Variants in SLC9A9 observed in about 807,000 individuals in gnomAD.
The protein encoded by SLC9A9 is solute carrier family 9 member A9, also known as sodium/hydrogen exchanger 9.
SLC9A9 carries 62 observed loss-of-function variants against 77.8 expected under a neutral mutation model. That is an observed-to-expected ratio of 0.80 (90% CI 0.65 to 0.98). The LOEUF is 0.98. Among genes scored for constraint, SLC9A9 ranks in the 50% least tolerant of loss-of-function variants. The probability of loss-of-function intolerance (pLI) is 0.00; values close to 1 mark genes in which losing one functional copy is unlikely to be tolerated. For missense variants in SLC9A9, 775 were observed against 774.9 expected (o/e 1.00, Z 0.00); for synonymous variants, 320 against 283.5 (o/e 1.13, Z -1.29).
At chr3:143,823,398 G>A (rs9838644) in intron 2 of SLC9A9, among the ~76,000 whole-genome samples, 84,629 of 151,832 alleles carry the variant, frequency 0.56, 26,306 homozygotes, top group Non-Finnish European at 0.69. Context: ...GGACATTCGG[G>A]GTGAAGATGA....
intron 14 of SLC9A9, among the ~76,000 whole-genome samples, chr3:143,323,446 C>T (rs2031482935): frequency 6.6e-6 from 1 of 152,168 alleles, no homozygotes; most frequent in African/African-American, 2.4e-5. Context: ...AGGTCATCAT[C>T]TTAAGTGGAA....
chr3:143,422,277 T>G (rs2034313532), intron 12 of SLC9A9, among the ~76,000 whole-genome samples: 1 of 152,216 alleles, frequency 6.6e-6, no homozygotes, highest in Non-Finnish European at 1.5e-5. Flanking sequence ...TAAATTGTTC[T>G]ACCAAAAAGA....
At chr3:143,619,400 G>A (rs114628614) in intron 6 of SLC9A9, among the ~76,000 whole-genome samples, 2,086 of 152,246 alleles carry the variant, frequency 0.014, 43 homozygotes, top group African/African-American at 0.047. Context: ...AAAGCAAACC[G>A]GAACCATTAT....
rs1343816998 is a variant in SLC9A9 at position 143,456,104 on chromosome 3, GT to G, written c.1469+10932del. ...TTCTCTTATTCCTGGTTTGCCAAAA[GT>G]TTTTTTTAATCATGAATAAAAATTT... On this transcript the variant is annotated intron_variant, in intron 12 of 15. Coordinates refer to ENST00000316549, the MANE Select transcript of SLC9A9 (RefSeq NM_173653.4). Among the ~76,000 whole-genome samples the G allele has an allele frequency of 8.6e-5, 13 of 151,734 alleles. No individual in the cohort carries two copies. In the East Asian group the frequency reaches 1.7e-3, roughly 20 times the overall value.
intron 9 of SLC9A9, among the ~76,000 whole-genome samples, 152 bp downstream of exon 9, chr3:143,552,209 GA>G (rs1297010653): frequency 1.3e-5 from 2 of 151,996 alleles, no homozygotes; most frequent in African/African-American, 2.4e-5. Context: ...ATCCTGGAGG[GA>G]AAAAAATCTA....
chr3:143,438,615 G>A (rs149508635), intron 12 of SLC9A9, among the ~76,000 whole-genome samples: 4 of 152,354 alleles, frequency 2.6e-5, no homozygotes, highest in Middle Eastern at 3.4e-3. Flanking sequence ...AGTGGAATCA[G>A]TGTGTCGCAG....
At chr3:143,525,474 G>A (rs1433357181) in intron 9 of SLC9A9, among the ~76,000 whole-genome samples, 1 of 152,070 alleles carries the variant, frequency 6.6e-6, no homozygotes, top group African/African-American at 2.4e-5. Context: ...TCAGCCTAGT[G>A]ACTGATACTT....
intron 8 of SLC9A9, among the ~76,000 whole-genome samples, chr3:143,553,485 T>C (rs1278117328): frequency 1.3e-5 from 2 of 152,214 alleles, no homozygotes; most frequent in African/African-American, 4.8e-5. Context: ...AAAACACTCA[T>C]AAATTAAATG....
At chr3:143,615,135 AC>A (rs1249023596) in intron 6 of SLC9A9, among the ~76,000 whole-genome samples, 1 of 152,136 alleles carries the variant, frequency 6.6e-6, no homozygotes, top group Non-Finnish European at 1.5e-5. Context: ...TCGTTACTAA[AC>A]CTAGCAGACC....
At chr3:143,651,073 A>G (rs2038787471) in intron 6 of SLC9A9, among the ~76,000 whole-genome samples, 1 of 152,230 alleles carries the variant, frequency 6.6e-6, no homozygotes, top group Non-Finnish European at 1.5e-5. Flanking sequence ...TGAGGAACTC[A>G]GCAGATTTTT....
chr3:143,318,179 A>G lies in SLC9A9; in HGVS notation c.1604+45305T>C, dbSNP rs142538735. ...ATTTCTCAAGCTACTTTCAAAAACT[A>G]CACCTCAGGTTGTTTCACCATTGAC... On this transcript the variant is annotated intron_variant, in intron 14 of 15. Coordinates refer to ENST00000316549, the MANE Select transcript of SLC9A9 (RefSeq NM_173653.4). 4.3e-3 allele frequency among the ~76,000 whole-genome samples: 658 copies of G among 152,264 alleles called. 6 individuals are homozygous for G. Among genetic ancestry groups the G allele is most frequent in the African/African-American group, 0.015 (606 of 41,556 alleles).
intron 5 of SLC9A9, among the ~76,000 whole-genome samples, chr3:143,680,596 C>G (rs1036244228): frequency 2.0e-5 from 3 of 151,964 alleles, no homozygotes; most frequent in Admixed American, 6.6e-5. Context: ...TTTCTAGAAA[C>G]TTGCTGCTAA....
intron 2 of SLC9A9, among the ~76,000 whole-genome samples, chr3:143,800,972 A>G (rs2008536309): frequency 6.6e-6 from 1 of 152,118 alleles, no homozygotes; most frequent in South Asian, 2.1e-4. Context: ...ACAAAACAAC[A>G]ACTCCTTTCC....
chr3:143,687,589 G>A (rs75124947), intron 5 of SLC9A9, among the ~76,000 whole-genome samples: 258 of 152,098 alleles, frequency 1.7e-3, no homozygotes, highest in African/African-American at 5.5e-3. Flanking sequence ...AGCAGGCTTC[G>A]GGTTGACTTT....
At chr3:143,363,690 A>G (rs886542204) in intron 13 of SLC9A9, 127 bp from the exon 14 acceptor site, 2 of 799,524 alleles carry the variant, frequency 2.5e-6, no homozygotes, top group Non-Finnish European at 3.9e-6. Context: ...AGGCATTTTC[A>G]TCTAAATGGT....
intron 14 of SLC9A9, among the ~76,000 whole-genome samples, chr3:143,292,178 G>A (rs187406822): frequency 1.1e-3 from 171 of 152,304 alleles, no homozygotes; most frequent in African/African-American, 3.8e-3. Context: ...GAAGCCCCTC[G>A]CTGGGTGCTG....
chr3:143,573,511 G>A (rs78679681), intron 8 of SLC9A9, among the ~76,000 whole-genome samples: 8,936 of 152,118 alleles, frequency 0.059, 382 homozygotes, highest in South Asian at 0.12. Context: ...TGGGTCTAAC[G>A]AACTGCCCCC....
chr3:143,675,181 T>C (rs1356569376), intron 5 of SLC9A9, among the ~76,000 whole-genome samples: 1 of 152,196 alleles, frequency 6.6e-6, no homozygotes, highest in African/African-American at 2.4e-5. Context: ...CCTAGAAAGC[T>C]TAAGTGGCCA....
chr3:143,832,269 A>G, intron 1 of SLC9A9, 48 bp from the exon 2 acceptor site: 2 of 1,511,120 alleles, frequency 1.3e-6, no homozygotes, highest in Non-Finnish European at 1.8e-6. Flanking sequence ...GCAATCTAAA[A>G]TGCCACTATT....
Sources: gnomAD v4.1 joint callset for allele counts (sites outside exome capture counted in the v4.1 genomes callset) on GRCh38, gnomAD v4.1.1 for gene constraint, MANE v1.5 for transcripts, NCBI Gene and HGNC (gene_info 2026-07-23, HGNC 2026-07-21) for gene names.